The following AFF1 variants were observed in gnomAD, a reference collection of about 807,000 sequenced individuals.
AFF1 encodes the protein AF4/FMR2 family member 1.
A neutral mutation model predicts 121.7 loss-of-function variants in AFF1; 48 were observed. The ratio of observed to expected loss-of-function variants is 0.39; its 90% CI spans 0.31 to 0.50. AFF1 has a LOEUF of 0.50. Ranked by LOEUF, AFF1 falls within the 20% of genes least tolerant of loss-of-function variation. AFF1 has a pLI of 0.76. For synonymous variants in AFF1, 613 were observed against 563.0 expected, an observed-to-expected ratio of 1.09 and a Z score of -1.26; for missense variants, 1,523 against 1,511.7, an observed-to-expected ratio of 1.01 and a Z score of -0.12.
chr4:86,976,749 A>G (rs1723332799), intron 2 of AFF1, among the ~76,000 whole-genome samples: 1 of 152,192 alleles, frequency 6.6e-6, no homozygotes, highest in Non-Finnish European at 1.5e-5. Context: ...TGTACCCCTG[A>G]ACCTAAAGTA....
chr4:86,991,793 TTAATC>T (rs1724745070), intron 2 of AFF1, among the ~76,000 whole-genome samples: 1 of 151,636 alleles, frequency 6.6e-6, no homozygotes, highest in Admixed American at 6.6e-5. Flanking sequence ...AATCAACAAA[TTAATC>T]CAACAGGACT....
At chr4:87,000,602 A>C (rs1725616304) in intron 2 of AFF1, among the ~76,000 whole-genome samples, 1 of 86,802 alleles carries the variant, frequency 1.2e-5, no homozygotes, top group African/African-American at 4.5e-5. Flanking sequence ...TAAAAAATAA[A>C]CTCTGTGTGT....
rs185821536 is a variant in AFF1, at chr4:87,137,211, T to C, written c.*1510T>C. The C allele has an allele frequency of 3.1e-5, 7 of 228,342 alleles. No individual in the cohort carries two copies. In the East Asian group the frequency reaches 3.8e-4, roughly 12 times the overall value. The allele number at this position is 228,342 out of a possible 1,614,324, so 14.1% of individuals were successfully genotyped here. A position where few individuals can be genotyped will look rare whatever the true frequency, so the allele number is the denominator to read the frequency against. ...CACTTACTACAATTGAGGAGTGTCATCTCTATAACTTTTTCTCCGCCTTTG... is the reference window on the plus strand; with the variant it reads ...CACTTACTACAATTGAGGAGTGTCACCTCTATAACTTTTTCTCCGCCTTTG... On this transcript the variant is annotated 3_prime_UTR_variant, in exon 21 of 21. Transcript: ENST00000395146.
At chr4:87,042,010 G>GAAAAAA in intron 2 of AFF1, among the ~76,000 whole-genome samples, 1 of 124,812 alleles carries the variant, frequency 8.0e-6, no homozygotes, top group Non-Finnish European at 1.7e-5. Context: ...ACTCCATCTG[G>GAAAAAA]AAAAAAAAAA....
chr4:87,042,596 T>G (rs1487578358), intron 2 of AFF1, among the ~76,000 whole-genome samples: 1 of 152,208 alleles, frequency 6.6e-6, no homozygotes, highest in Non-Finnish European at 1.5e-5. Context: ...GGCTTTTAGT[T>G]GAAGGGTGAT....
chr4:87,045,162 G>A (rs1427657191), intron 2 of AFF1, among the ~76,000 whole-genome samples: 2 of 152,078 alleles, frequency 1.3e-5, no homozygotes, highest in African/African-American at 4.8e-5. Context: ...CTGACATCAG[G>A]GCTAGAATTT....
intron 1 of AFF1, among the ~76,000 whole-genome samples, chr4:86,945,132 A>G (rs915158217): frequency 1.3e-5 from 2 of 152,100 alleles, no homozygotes; most frequent in Admixed American, 1.3e-4. Flanking sequence ...AGGTGATATA[A>G]TATATGCTTC....
intron 1 of AFF1, among the ~76,000 whole-genome samples, chr4:86,944,908 G>A (rs1181487758): frequency 6.6e-6 from 1 of 151,526 alleles, no homozygotes; most frequent in African/African-American, 2.4e-5. Context: ...ATTATGAATT[G>A]TTTGAGGAAG....
At chr4:87,128,356 C>T (rs1033536799) in intron 16 of AFF1, among the ~76,000 whole-genome samples, 1 of 152,168 alleles carries the variant, frequency 6.6e-6, no homozygotes, top group East Asian at 1.9e-4. Context: ...TAATTGTGTA[C>T]ATAATTATGC....
intron 4 of AFF1, among the ~76,000 whole-genome samples, chr4:87,072,731 A>G (rs568581281): frequency 4.9e-4 from 75 of 152,140 alleles, no homozygotes; most frequent in Admixed American, 5.9e-4. Context: ...GGATTTCACC[A>G]TGTTGGCCAG....
chr4:87,135,964 T>C lies in AFF1; in HGVS notation c.*263T>C, dbSNP rs1729267168. On this transcript the variant is annotated 3_prime_UTR_variant, in exon 21 of 21. Transcript: ENST00000395146. ...CTAAAGGACAGAAGTGCAATTTAGC[T>C]TAAATGGGTGTATGAATGGTCTAGA... 4.9e-6 allele frequency: 2 copies of C among 411,278 alleles called. No individual in the cohort carries two copies. The highest frequency in any genetic ancestry group is 8.4e-6 in the Non-Finnish European group (2 of 238,786). The allele number at this position is 411,278 out of a possible 1,614,324, so 25.5% of individuals were successfully genotyped here.
In AFF1 at chr4:87,046,153, G is replaced by A. The variant is rs1206848650; in HGVS notation, c.39-13G>A. The stretch of plus-strand genomic sequence containing the variant: ...ATTTTATTGTTTTCATTCTTTTGTG[G>A]CATCTGAAACAGTTTGTACAATGAC... On this transcript the variant is annotated splice_polypyrimidine_tract_variant and intron_variant, in intron 2 of 20. Transcript: ENST00000395146. 3.1e-6 allele frequency: 5 copies of A among 1,606,372 alleles called. No individual in the cohort carries two copies. Among genetic ancestry groups the A allele is most frequent in the Non-Finnish European group, 4.2e-6 (5 of 1,178,068 alleles).
intron 2 of AFF1, among the ~76,000 whole-genome samples, chr4:86,998,468 A>G (rs1725419502): frequency 6.6e-6 from 1 of 152,204 alleles, no homozygotes; most frequent in Non-Finnish European, 1.5e-5. Flanking sequence ...ACGTTTAGAC[A>G]ATTTTTAAAT....
chr4:87,033,149 A>G (rs1729227922), intron 2 of AFF1, among the ~76,000 whole-genome samples: 1 of 152,228 alleles, frequency 6.6e-6, no homozygotes, highest in African/African-American at 2.4e-5. Flanking sequence ...TCAAAAAACA[A>G]AACAAGAATA....
chr4:87,001,467 C>T (rs967726746), intron 2 of AFF1, among the ~76,000 whole-genome samples: 4 of 152,082 alleles, frequency 2.6e-5, no homozygotes, highest in African/African-American at 7.2e-5. Context: ...CCACCCGCCT[C>T]GGCCTCCCAA....
intron 2 of AFF1, among the ~76,000 whole-genome samples, chr4:86,979,398 G>A (rs1723555900): frequency 1.3e-5 from 2 of 152,032 alleles, no homozygotes; most frequent in Non-Finnish European, 2.9e-5. Context: ...TGCCCAGCCT[G>A]CCCCTGCTTC....
intron 16 of AFF1, among the ~76,000 whole-genome samples, chr4:87,130,440 G>A (rs982135967): frequency 7.2e-5 from 11 of 152,204 alleles, no homozygotes; most frequent in East Asian, 1.9e-4. Context: ...ACTTAGAAGC[G>A]TGCTGTGTGA....
chr4:87,122,012 C>A (rs1727743263), intron 12 of AFF1, among the ~76,000 whole-genome samples: 1 of 152,218 alleles, frequency 6.6e-6, no homozygotes, highest in Non-Finnish European at 1.5e-5. Flanking sequence ...TTGGTGTTTT[C>A]TTTAAGAAGT....
chr4:87,026,061 C>CTTTTTT (rs34793575), intron 2 of AFF1, among the ~76,000 whole-genome samples: 17 of 109,730 alleles, frequency 1.5e-4, no homozygotes, highest in African/African-American at 5.0e-4. Flanking sequence ...AGAGACCATG[C>CTTTTTT]TTTTTTTTTT....
Sources: gnomAD v4.1 joint callset for allele counts (sites outside exome capture counted in the v4.1 genomes callset) on GRCh38, gnomAD v4.1.1 for gene constraint, MANE v1.5 for transcripts, NCBI Gene and HGNC (gene_info 2026-07-23, HGNC 2026-07-21) for gene names.